Variants in ACADSB observed in about 807,000 individuals in gnomAD.
The protein encoded by ACADSB is acyl-CoA dehydrogenase short/branched chain.
Under a neutral mutation model 54.1 loss-of-function variants are expected in ACADSB, and 40 were observed. The observed-to-expected ratio is 0.74, with a 90% confidence interval of 0.57 to 0.96. ACADSB has a LOEUF of 0.96. Ranked by LOEUF, ACADSB falls within the 40% of genes least tolerant of loss-of-function variation. ACADSB has a pLI of 0.00. For synonymous variants in ACADSB, 182 were observed against 182.8 expected (o/e 1.00, Z 0.03); for missense variants, 530 against 510.4 (o/e 1.04, Z -0.37).
chr10:123,013,981 A>G (rs957820429), intron 1 of ACADSB, among the ~76,000 whole-genome samples: 5 of 152,290 alleles, frequency 3.3e-5, no homozygotes, highest in Non-Finnish European at 7.4e-5. Context: ...GGGCTCCTCA[A>G]GCGTGGCCAG....
rs1850472206 is a variant in ACADSB, at chr10:123,041,438, T to A, written c.681+59T>A. The A allele has an allele frequency of 3.9e-6, 6 of 1,555,970 alleles. 1 individual carries two copies. In the South Asian group the frequency reaches 6.7e-5, roughly 17 times the overall value. ...AAACCCCTTCTTTTCTCTTTCTTTA[T>A]CTTTTCCTCCTTCTGTTTCCTTTTT... On this transcript the variant is annotated intron_variant, in intron 5 of 10. Transcript: ENST00000358776.
At chr10:123,029,211 G>A (rs1850293650) in intron 1 of ACADSB, among the ~76,000 whole-genome samples, 1 of 152,060 alleles carries the variant, frequency 6.6e-6, no homozygotes, top group South Asian at 2.1e-4. Flanking sequence ...GCTGGGCATG[G>A]TGGCATATAC....
At chr10:123,010,862 T>C (rs1387352880) in intron 1 of ACADSB, among the ~76,000 whole-genome samples, 1 of 152,182 alleles carries the variant, frequency 6.6e-6, no homozygotes, top group Non-Finnish European at 1.5e-5. Flanking sequence ...CCATGTCATG[T>C]AGGTGTGGAA....
intron 3 of ACADSB, among the ~76,000 whole-genome samples, chr10:123,038,548 G>A (rs767287650): frequency 7.9e-5 from 12 of 152,208 alleles, no homozygotes; most frequent in Non-Finnish European, 1.5e-4. Context: ...ATCACTGCAC[G>A]CATCATTTCT....
At position 123,026,519 on chromosome 10, in the gene ACADSB, T is replaced by C. The variant is rs1850254254; in HGVS notation, c.43-7837T>C. On this transcript the variant is annotated intron_variant, in intron 1 of 10. Coordinates refer to ENST00000358776, the MANE Select transcript of ACADSB (RefSeq NM_001609.4). ...AGTTTACTTACAACAAAAGGAGTTT[T>C]GTTGTACCTTCCCCAGCCTACCCTA... Among the ~76,000 whole-genome samples, 5 of 152,316 alleles carry C rather than the reference T, an allele frequency of 3.3e-5. No individual in the cohort carries two copies. The South Asian group carries it at 1.0e-3, about 32-fold the overall frequency.
intron 1 of ACADSB, among the ~76,000 whole-genome samples, chr10:123,012,681 G>A (rs1850052479): frequency 6.6e-6 from 1 of 152,074 alleles, no homozygotes; most frequent in Admixed American, 6.6e-5. Flanking sequence ...TCCTCCCGGT[G>A]GGCTTGTGGC....
At position 123,047,284 on chromosome 10, in the gene ACADSB, C is replaced by T; in HGVS notation, c.976C>T (p.Leu326=). 1 of 1,587,410 alleles carries T rather than the reference C, an allele frequency of 6.3e-7. No homozygotes were observed. The highest frequency in any genetic ancestry group is 1.1e-5 in the South Asian group (1 of 90,574). ...IKERIQFGKR[L]FDFQGLQHQV... ...AGAAAGGATACAATTTGGCAAAAGA[C>T]TATTTGATTTTCAGGTATGTAATTA... Residue 326 remains leucine, a synonymous_variant, in exon 8 of 11, where the codon CTA becomes TTA. Coordinates refer to ENST00000358776, the MANE Select transcript of ACADSB (RefSeq NM_001609.4).
chr10:123,053,747 T>C lies in ACADSB; in HGVS notation c.1281T>C (p.His427=). 5.0e-6 allele frequency: 8 copies of C among 1,614,002 alleles called. No individual in the cohort carries two copies. Among genetic ancestry groups the C allele is most frequent in the Non-Finnish European group, 6.8e-6 (8 of 1,179,860 alleles). ...SNIQLNTIAK[H]IDAEY Reference sequence around the variant, plus strand: ...TCCAGTTGAACACCATTGCAAAGCATATCGATGCAGAATACTGACGTCTAT... The same window carrying C: ...TCCAGTTGAACACCATTGCAAAGCACATCGATGCAGAATACTGACGTCTAT... The change falls in exon 11 of 11, where the codon CAT becomes CAC. Residue 427 remains histidine (H), a synonymous_variant. Transcript: ENST00000358776.
chr10:123,010,091 C>A (rs924761907), intron 1 of ACADSB, among the ~76,000 whole-genome samples: 1 of 152,218 alleles, frequency 6.6e-6, no homozygotes, highest in Non-Finnish European at 1.5e-5. Flanking sequence ...TTGTTTAATA[C>A]TGTTTATAAT....
At chr10:123,040,712 T>TA in intron 4 of ACADSB, 40 bp downstream of exon 4, 1 of 1,564,452 alleles carries the variant, frequency 6.4e-7, no homozygotes, top group Non-Finnish European at 8.8e-7. Context: ...GATCTAATCT[T>TA]TAGTAAGTTT....
At chr10:123,018,056 C>T (rs1182204147) in intron 1 of ACADSB, among the ~76,000 whole-genome samples, 2 of 151,960 alleles carry the variant, frequency 1.3e-5, no homozygotes, top group Non-Finnish European at 2.9e-5. Flanking sequence ...TATGTTCGAC[C>T]CCCACTTCCC....
chr10:123,051,049 G>A lies in ACADSB; in HGVS notation c.991G>A (p.Gly331Ser). The A allele has an allele frequency of 6.2e-7, 1 of 1,611,684 alleles. No homozygotes were observed. Among genetic ancestry groups the A allele is most frequent in the Admixed American group, 1.7e-5 (1 of 59,968 alleles). Reference protein sequence around the residue: ...QFGKRLFDFQGLQHQVAHVAT... With the variant: ...QFGKRLFDFQSLQHQVAHVAT... ...TCTAACTTGGGCCTGACTGTTACAG[G>A]GCCTCCAACACCAAGTGGCTCACGT... Residue 331 changes from glycine (G) to serine (S), a missense_variant and splice_region_variant, in exon 9 of 11, where the codon GGC becomes AGC. By Grantham distance (56) the Gly-to-Ser change is moderately conservative. Coordinates refer to ENST00000358776, the MANE Select transcript of ACADSB (RefSeq NM_001609.4).
chr10:123,030,926 T>C (rs1362948031), intron 1 of ACADSB, among the ~76,000 whole-genome samples: 1 of 152,022 alleles, frequency 6.6e-6, no homozygotes, highest in Non-Finnish European at 1.5e-5. Flanking sequence ...ATATAGAGGG[T>C]TACAAAGGAA....
chr10:123,013,328 GT>G (rs1850064784), intron 1 of ACADSB, among the ~76,000 whole-genome samples: 1 of 152,044 alleles, frequency 6.6e-6, no homozygotes. Context: ...TGATTGGTGT[GT>G]TCACAAACCT....
intron 8 of ACADSB, among the ~76,000 whole-genome samples, chr10:123,047,710 C>T (rs938971553): frequency 6.6e-6 from 1 of 152,084 alleles, no homozygotes; most frequent in Non-Finnish European, 1.5e-5. Context: ...TTACTTACCC[C>T]GGTTTAAATG....
chr10:123,031,010 GTTAA>G (rs1269570679), intron 1 of ACADSB, among the ~76,000 whole-genome samples: 1 of 152,216 alleles, frequency 6.6e-6, no homozygotes, highest in African/African-American at 2.4e-5. Flanking sequence ...ATGTGTGTTT[GTTAA>G]TTAAATAAGA....
rs1589748026 is a variant in ACADSB at position 123,056,324 on chromosome 10, T to C, written c.*2559T>C. On this transcript the variant is annotated 3_prime_UTR_variant, in exon 11 of 11. Coordinates refer to ENST00000358776, the MANE Select transcript of ACADSB (RefSeq NM_001609.4). Reference sequence around the variant, plus strand: ...GTGAAAAGCACTTCGTACATGGTGGTGGCAAGAGAAAATGAAGAAGAAGCA... The same window carrying C: ...GTGAAAAGCACTTCGTACATGGTGGCGGCAAGAGAAAATGAAGAAGAAGCA... 4.2e-6 allele frequency: 1 copy of C among 240,532 alleles called. No homozygotes were observed. The highest frequency in any genetic ancestry group is 8.1e-6 in the Non-Finnish European group (1 of 123,042). 14.9% of individuals were successfully genotyped at this position (240,532 alleles called of 1,614,324 possible).
chr10:123,017,328 A>AT (rs1000215168), intron 1 of ACADSB, among the ~76,000 whole-genome samples: 1 of 151,980 alleles, frequency 6.6e-6, no homozygotes, highest in African/African-American at 2.4e-5. Context: ...TTATTTATTT[A>AT]TTTTTTTGAG....
chr10:123,038,850 A>G (rs1327963747), intron 3 of ACADSB, among the ~76,000 whole-genome samples: 1 of 152,228 alleles, frequency 6.6e-6, no homozygotes, highest in African/African-American at 2.4e-5. Flanking sequence ...GATGTGGAGA[A>G]CAGATGGACT....
Sources: allele counts gnomAD v4.1 joint callset (sites outside exome capture counted in the v4.1 genomes callset), GRCh38; gene constraint gnomAD v4.1.1; transcripts MANE v1.5; gene names NCBI Gene and HGNC (gene_info 2026-07-23, HGNC 2026-07-21).